Variants in TAF4B observed in about 807,000 individuals in gnomAD.
TAF4B encodes the protein transcription initiation factor TFIID subunit 4B.
Under a neutral mutation model 86.4 loss-of-function variants are expected in TAF4B, and 38 were observed. The ratio of observed to expected loss-of-function variants is 0.44; its 90% CI spans 0.34 to 0.58. The LOEUF (loss-of-function observed/expected upper bound fraction) is 0.58, where lower values mean the gene tolerates loss of function less well. Among genes scored for constraint, TAF4B ranks in the 20% least tolerant of loss-of-function variants. The probability of loss-of-function intolerance (pLI) is 0.02; values close to 1 mark genes in which losing one functional copy is unlikely to be tolerated. For synonymous variants in TAF4B, 388 were observed against 391.2 expected (o/e 0.99, Z 0.10); for missense variants, 988 against 1,027.6 (o/e 0.96, Z 0.53).
At chr18:26,243,269 G>T (rs1209641451) in intron 1 of TAF4B, among the ~76,000 whole-genome samples, 2 of 152,058 alleles carry the variant, frequency 1.3e-5, no homozygotes, top group African/African-American at 4.8e-5. Flanking sequence ...ATTTCCTGGA[G>T]GCTTTGTTTA....
chr18:26,251,953 T>C (rs146107877), intron 1 of TAF4B, among the ~76,000 whole-genome samples: 107 of 152,258 alleles, frequency 7.0e-4, no homozygotes, highest in African/African-American at 2.5e-3. Context: ...TTTGAGTACT[T>C]AGTTGAAGAA....
At chr18:26,371,212 A>G (rs1186277888) in intron 14 of TAF4B, among the ~76,000 whole-genome samples, 1 of 152,250 alleles carries the variant, frequency 6.6e-6, no homozygotes, top group Non-Finnish European at 1.5e-5. Flanking sequence ...GAATCGACAC[A>G]TATTTATAAA....
intron 13 of TAF4B, among the ~76,000 whole-genome samples, chr18:26,336,104 C>T (rs1394388066): frequency 6.6e-6 from 1 of 152,136 alleles, no homozygotes; most frequent in Non-Finnish European, 1.5e-5. Flanking sequence ...CAAGCCTGTT[C>T]ACATTTCTGA....
chr18:26,303,271 G>A (rs111635411), intron 9 of TAF4B, among the ~76,000 whole-genome samples: 2,400 of 50,440 alleles, frequency 0.048, 163 homozygotes, highest in Non-Finnish European at 0.062. Context: ...TCCTCCCTCC[G>A]CTTTCATCCT....
At chr18:26,380,741 T>C (rs1280452899) in intron 14 of TAF4B, among the ~76,000 whole-genome samples, 4 of 152,190 alleles carry the variant, frequency 2.6e-5, no homozygotes. Context: ...ACTTCCACCT[T>C]ATCTGTGTCT....
At chr18:26,352,928 T>A (rs2057256894) in intron 13 of TAF4B, among the ~76,000 whole-genome samples, 1 of 152,220 alleles carries the variant, frequency 6.6e-6, no homozygotes, top group South Asian at 2.1e-4. Context: ...TTAAACAAAT[T>A]GAATTTGTAA....
At chr18:26,229,120 CTT>C (rs1298078910) in intron 1 of TAF4B, among the ~76,000 whole-genome samples, 2 of 152,028 alleles carry the variant, frequency 1.3e-5, no homozygotes, top group Non-Finnish European at 2.9e-5. Context: ...AGATTCCAGT[CTT>C]TTATTTTATA....
At chr18:26,275,885 G>A (rs1173661157) in intron 5 of TAF4B, among the ~76,000 whole-genome samples, 5 of 151,698 alleles carry the variant, frequency 3.3e-5, no homozygotes, top group East Asian at 1.9e-4. Context: ...GTGTGGTGGC[G>A]CACGCCTGTA....
rs547219535 is a variant in TAF4B at position 26,391,630 on chromosome 18, C to T, written c.*1618C>T. 4 of 152,158 alleles carry T rather than the reference C, an allele frequency of 2.6e-5. No homozygotes were observed. Among genetic ancestry groups the T allele is most frequent in the African/African-American group, 9.6e-5 (4 of 41,536 alleles). The allele number at this position is 152,158 out of a possible 1,614,324, so 9.4% of individuals were successfully genotyped here. A position where few individuals can be genotyped will look rare whatever the true frequency, so the allele number is the denominator to read the frequency against. ...CTCATTTGTGTATAATCTTACTGAT[C>T]AGATGTTTAAAATTATTCCAAATAC... On this transcript the variant is annotated 3_prime_UTR_variant, in exon 15 of 15. Transcript: ENST00000269142.
At position 26,378,082 on chromosome 18, in the gene TAF4B, A is replaced by G. The variant is rs545183081; in HGVS notation, c.2422-11763A>G. 5.9e-4 allele frequency among the ~76,000 whole-genome samples: 89 copies of G among 152,066 alleles called. 2 individuals are homozygous for G. The highest frequency in any genetic ancestry group is 2.0e-3 in the African/African-American group (81 of 41,460). On this transcript the variant is annotated intron_variant, in intron 14 of 14. Transcript: ENST00000269142. ...ATAGACCGTTTTCAACTGTACTCCT[A>G]TGGGGCGTTTGGAAATGTGTGAAGG...
chr18:26,268,113 G>A (rs2056265466), intron 3 of TAF4B, among the ~76,000 whole-genome samples: 1 of 152,174 alleles, frequency 6.6e-6, no homozygotes, highest in Admixed American at 6.6e-5. Flanking sequence ...GGACTTTCCT[G>A]GGAAAGTTAC....
At chr18:26,307,837 T>C (rs1183214978) in intron 9 of TAF4B, among the ~76,000 whole-genome samples, 1 of 152,146 alleles carries the variant, frequency 6.6e-6, no homozygotes, top group Non-Finnish European at 1.5e-5. Flanking sequence ...TTTGTCCTTG[T>C]GTATGCTCAC....
At chr18:26,326,708 C>A (rs1352996164) in intron 11 of TAF4B, among the ~76,000 whole-genome samples, 1 of 152,112 alleles carries the variant, frequency 6.6e-6, no homozygotes, top group Non-Finnish European at 1.5e-5. Flanking sequence ...GTTTCTCCTT[C>A]CTATTGTTGG....
At chr18:26,313,067 G>C (rs541702696) in intron 9 of TAF4B, among the ~76,000 whole-genome samples, 1 of 152,126 alleles carries the variant, frequency 6.6e-6, no homozygotes, top group African/African-American at 2.4e-5. Flanking sequence ...TTATGCCTAT[G>C]TAAGCGTATG....
At chr18:26,321,408 G>A (rs2056961655) in intron 11 of TAF4B, among the ~76,000 whole-genome samples, 1 of 152,090 alleles carries the variant, frequency 6.6e-6, no homozygotes, top group South Asian at 2.1e-4. Context: ...AAGCTTCTGT[G>A]TCACTGTAGA....
intron 14 of TAF4B, among the ~76,000 whole-genome samples, chr18:26,383,653 C>T (rs755755566): frequency 2.7e-4 from 41 of 152,140 alleles, no homozygotes; most frequent in Admixed American, 5.9e-4. Flanking sequence ...ATCTCTATAG[C>T]TCTCATAATT....
intron 13 of TAF4B, among the ~76,000 whole-genome samples, chr18:26,355,028 G>A (rs1310037639): frequency 6.6e-6 from 1 of 152,166 alleles, no homozygotes; most frequent in African/African-American, 2.4e-5. Context: ...GACACAGCAT[G>A]TCTCTCCATT....
At chr18:26,236,612 G>A (rs2055751640) in intron 1 of TAF4B, among the ~76,000 whole-genome samples, 1 of 152,132 alleles carries the variant, frequency 6.6e-6, no homozygotes, top group South Asian at 2.1e-4. Flanking sequence ...CTTTTTTAAA[G>A]TGTCCTTGCA....
chr18:26,292,445 T>G, intron 8 of TAF4B, 64 bp downstream of exon 8: 1 of 1,524,806 alleles, frequency 6.6e-7, no homozygotes, highest in Non-Finnish European at 8.8e-7. Context: ...TTTGTATAAC[T>G]TTTTTGTTGC....
Sources: gnomAD v4.1 joint callset for allele counts (sites outside exome capture counted in the v4.1 genomes callset) on GRCh38, gnomAD v4.1.1 for gene constraint, MANE v1.5 for transcripts, NCBI Gene and HGNC (gene_info 2026-07-23, HGNC 2026-07-21) for gene names.